Variants in MS4A5 observed in about 807,000 individuals in gnomAD.
MS4A5 encodes membrane spanning 4-domains A5, also known as membrane-spanning 4-domains subfamily A member 5.
In MS4A5, 15 loss-of-function variants were observed where a neutral mutation model predicts 18.2. The ratio of observed to expected loss-of-function variants is 0.83; its 90% confidence interval spans 0.55 to 1.27. MS4A5 has a LOEUF of 1.27. Ranked by LOEUF, MS4A5 falls within the 50% of genes most tolerant of loss-of-function variation. The probability of loss-of-function intolerance (pLI) is 0.00; values close to 1 mark genes in which losing one functional copy is unlikely to be tolerated. For missense variants in MS4A5, 232 were observed against 225.7 expected, an observed-to-expected ratio of 1.03 and a Z score of -0.18; for synonymous variants, 89 against 78.7, an observed-to-expected ratio of 1.13 and a Z score of -0.69.
At chr11:60,436,616 G>T (rs1222741809) in intron 4 of MS4A5, among the ~76,000 whole-genome samples, 1 of 134,262 alleles carries the variant, frequency 7.4e-6, no homozygotes, top group African/African-American at 2.5e-5. Context: ...CGAGAACTAC[G>T]TGAAGAACGC....
At chr11:60,434,018 A>G in intron 4 of MS4A5, 101 bp downstream of exon 4, 2 of 1,019,634 alleles carry the variant, frequency 2.0e-6, no homozygotes, top group Non-Finnish European at 2.9e-6. Flanking sequence ...GGACACATGT[A>G]TTTTCTTTTA....
intron 3 of MS4A5, among the ~76,000 whole-genome samples, chr11:60,432,780 A>AC (rs113325008): frequency 0.014 from 2,140 of 151,786 alleles, 56 homozygotes; most frequent in African/African-American, 0.049. Flanking sequence ...AAAAAAAAAA[A>AC]ACAAAAAAAA....
intron 4 of MS4A5, among the ~76,000 whole-genome samples, chr11:60,442,005 G>A (rs1345005757): frequency 6.6e-6 from 1 of 152,142 alleles, no homozygotes; most frequent in Non-Finnish European, 1.5e-5. Flanking sequence ...TGAATGAGTA[G>A]AGAAAGCTAA....
rs370162997 is a variant in MS4A5 at position 60,432,439 on chromosome 11, C to G, written c.311C>G (p.Ala104Gly). 18 of 1,591,982 alleles carry G rather than the reference C, an allele frequency of 1.1e-5. No homozygotes were observed. The African/African-American group carries it at 2.4e-4, about 21-fold the overall frequency. The change falls in exon 3 of 5, where the codon GCA (alanine) becomes GGA (glycine). Residue 104 changes from alanine to glycine, a missense_variant. Physicochemically the swap from Ala to Gly is moderately conservative, Grantham distance 60. Transcript: ENST00000300190. ...ATTAATTCTGGAGCCTTCCTAATTG[C>G]AGTGAAAAGAAAAACCACAGAAACT... ...LFINSGAFLIAVKRKTTETLI... is the reference protein window; with the variant it reads ...LFINSGAFLIGVKRKTTETLI...
At chr11:60,445,602 T>C (rs998730992) in intron 4 of MS4A5, among the ~76,000 whole-genome samples, 6 of 152,134 alleles carry the variant, frequency 3.9e-5, no homozygotes, top group African/African-American at 1.4e-4. Context: ...TAGTTAAAAA[T>C]GGAAAATATA....
chr11:60,433,870 T>A lies in MS4A5; in HGVS notation c.445T>A (p.Tyr149Asn). The change falls in exon 4 of 5, where the codon TAT becomes AAT. Residue 149 changes from tyrosine (Y) to asparagine (N), a missense_variant. Physicochemically the swap from Tyr to Asn is moderately radical, Grantham distance 143. Transcript: ENST00000300190. ...CCTAGATCAAAACTACATTTGTGGT[T>A]ATTCTCACCAAAATAGTCAGTGTAA... Reference protein sequence around the residue: ...FILDQNYICGYSHQNSQCKAV... With the variant: ...FILDQNYICGNSHQNSQCKAV... The A allele has an allele frequency of 3.7e-6, 6 of 1,614,192 alleles. No homozygotes were observed. The highest frequency in any genetic ancestry group is 5.1e-6 in the Non-Finnish European group (6 of 1,180,000).
intron 3 of MS4A5, 25 bp from the exon 4 acceptor site, chr11:60,433,740 T>A (rs749433375): frequency 1.9e-6 from 3 of 1,609,372 alleles, no homozygotes; most frequent in Admixed American, 1.7e-5. Flanking sequence ...CTCAGTCACA[T>A]TGTTATGTTC....
intron 4 of MS4A5, among the ~76,000 whole-genome samples, chr11:60,441,122 T>C (rs1447729456): frequency 9.0e-6 from 1 of 111,094 alleles, no homozygotes; most frequent in African/African-American, 3.4e-5. Context: ...TTCATGTCCT[T>C]TGTAGGGACA....
chr11:60,430,750 C>T, intron 1 of MS4A5, 46 bp from the exon 2 acceptor site: 1 of 1,599,750 alleles, frequency 6.3e-7, no homozygotes, highest in Non-Finnish European at 8.5e-7. Flanking sequence ...AGAAGGGAAA[C>T]TATCACTTTG....
At chr11:60,431,030 A>T in intron 2 of MS4A5, 106 bp downstream of exon 2, 1 of 1,351,196 alleles carries the variant, frequency 7.4e-7, no homozygotes, top group South Asian at 1.4e-5. Context: ...TGCTTTCAAA[A>T]GTGCAAAAAA....
intron 4 of MS4A5, among the ~76,000 whole-genome samples, chr11:60,439,063 A>G (rs1374877313): frequency 1.1e-5 from 1 of 90,714 alleles, no homozygotes; most frequent in Non-Finnish European, 2.1e-5. Context: ...GCACATCAAA[A>G]AGCTTATCCA....
chr11:60,437,548 C>A, intron 4 of MS4A5, among the ~76,000 whole-genome samples: 1 of 152,076 alleles, frequency 6.6e-6, no homozygotes, highest in East Asian at 1.9e-4. Flanking sequence ...CAGAGACACA[C>A]ATAGGCTCAA....
chr11:60,447,307 GTGCTATGCTATGCTATGCTA>G (rs1198924754), intron 4 of MS4A5, among the ~76,000 whole-genome samples: 2,020 of 139,654 alleles, frequency 0.014, 69 homozygotes, highest in Admixed American at 0.084. Context: ...ATCCTATGCT[GTGCTATGCTATGCTATGCTA>G]TGCTATGCTA....
At chr11:60,435,637 G>C (rs1045052124) in intron 4 of MS4A5, 2 of 246,478 alleles carry the variant, frequency 8.1e-6, no homozygotes, top group African/African-American at 2.3e-5. Context: ...AGGGGTCAGG[G>C]AGTTCCCTTT....
intron 4 of MS4A5, among the ~76,000 whole-genome samples, chr11:60,441,416 C>A (rs1590834592): frequency 1.5e-4 from 5 of 34,074 alleles, no homozygotes; most frequent in Admixed American, 5.1e-4. Flanking sequence ...TACCCTAAAA[C>A]TTAAAGTATA....
intron 4 of MS4A5, among the ~76,000 whole-genome samples, chr11:60,434,464 A>G (rs1368305580): frequency 1.3e-5 from 2 of 152,182 alleles, no homozygotes; most frequent in African/African-American, 4.8e-5. Context: ...ATCTAAGGCA[A>G]AGCAGGGGGA....
In MS4A5 at chr11:60,429,634, C is replaced by G; in HGVS notation, c.-41C>G. ...AAAGAACATGGTCTAGACTGAAGTA[C>G]CAACTAAATCATCTCCTTTCAAATT... On this transcript the variant is annotated 5_prime_UTR_variant, in exon 1 of 5. Coordinates refer to ENST00000300190, the MANE Select transcript of MS4A5 (RefSeq NM_023945.3). 6.3e-7 allele frequency: 1 copy of G among 1,580,902 alleles called. No homozygotes were observed. The highest frequency in any genetic ancestry group is 1.2e-5 in the South Asian group (1 of 84,814).
chr11:60,437,607 G>T (rs992730437), intron 4 of MS4A5, among the ~76,000 whole-genome samples: 1 of 151,106 alleles, frequency 6.6e-6, no homozygotes, highest in Non-Finnish European at 1.5e-5. Context: ...AACAAAAAAA[G>T]GCAGGGGTTG....
intron 4 of MS4A5, among the ~76,000 whole-genome samples, chr11:60,446,135 C>A (rs1183113373): frequency 6.6e-6 from 1 of 152,106 alleles, no homozygotes; most frequent in Non-Finnish European, 1.5e-5. Flanking sequence ...GTTCCTGTCA[C>A]AAAAGAATAA....
Sources: gnomAD v4.1 joint callset for allele counts (sites outside exome capture counted in the v4.1 genomes callset) on GRCh38, gnomAD v4.1.1 for gene constraint, MANE v1.5 for transcripts, NCBI Gene and HGNC (gene_info 2026-07-23, HGNC 2026-07-21) for gene names.